ENTREP2: variants seen among roughly 807,000 people sequenced by gnomAD.
ENTREP2 encodes the protein endosomal transmembrane epsin interactor 2.
At chr15:29,663,462 C>T in the ENTREP2 span, among the ~76,000 whole-genome samples, 11 of 152,200 alleles carry the variant, frequency 7.2e-5, no homozygotes, top group East Asian at 2.1e-3. Context: ...TGGAACCAAC[C>T]AAAATGCCCA....
chr15:29,478,017 ATATT>A, the ENTREP2 span, among the ~76,000 whole-genome samples: 11 of 56,950 alleles, frequency 1.9e-4, no homozygotes, highest in Middle Eastern at 0.012. Flanking sequence ...ATATATATAT[ATATT>A]TTTTTTTTTT....
chr15:29,511,218 A>C, the ENTREP2 span, among the ~76,000 whole-genome samples: 1 of 152,188 alleles, frequency 6.6e-6, no homozygotes, highest in African/African-American at 2.4e-5. Context: ...AAGAAAAAGA[A>C]GACATGCTCC....
At chr15:29,218,960 T>A in the ENTREP2 span, among the ~76,000 whole-genome samples, 1 of 151,874 alleles carries the variant, frequency 6.6e-6, no homozygotes, top group African/African-American at 2.4e-5. Flanking sequence ...ACAAAGATAG[T>A]CGGGACTTCA....
At chr15:29,371,103 C>A in the ENTREP2 span, among the ~76,000 whole-genome samples, 10 of 151,978 alleles carry the variant, frequency 6.6e-5, no homozygotes, top group African/African-American at 9.7e-5. Context: ...TACCTCTGAA[C>A]CCTCACAATG....
chr15:29,387,458 C>A, the ENTREP2 span, among the ~76,000 whole-genome samples: 5 of 151,926 alleles, frequency 3.3e-5, no homozygotes, highest in African/African-American at 4.8e-5. Flanking sequence ...CACTGCTCAA[C>A]GAAATAAAAG....
the ENTREP2 span, among the ~76,000 whole-genome samples, chr15:29,161,926 C>A: frequency 6.6e-6 from 1 of 152,136 alleles, no homozygotes; most frequent in African/African-American, 2.4e-5. Flanking sequence ...AGAGGACCGA[C>A]AGACCTCTGA....
chr15:29,350,310 CAT>C, the ENTREP2 span, among the ~76,000 whole-genome samples: 1 of 151,010 alleles, frequency 6.6e-6, no homozygotes, highest in Non-Finnish European at 1.5e-5. Flanking sequence ...TGCTGATTAT[CAT>C]GTCTGAAATC....
At chr15:29,379,820 T>C in the ENTREP2 span, among the ~76,000 whole-genome samples, 1 of 152,078 alleles carries the variant, frequency 6.6e-6, no homozygotes, top group East Asian at 1.9e-4. Context: ...GGACGTCATT[T>C]CTCTCTTGTC....
the ENTREP2 span, among the ~76,000 whole-genome samples, chr15:29,124,183 A>G: frequency 6.6e-6 from 1 of 152,164 alleles, no homozygotes; most frequent in South Asian, 2.1e-4. Context: ...AGCTCCCCAC[A>G]GAGCTGACAG....
chr15:29,565,961 A>C, the ENTREP2 span, among the ~76,000 whole-genome samples: 1 of 114,458 alleles, frequency 8.7e-6, no homozygotes, highest in African/African-American at 3.3e-5. Context: ...GCTCTGTCTC[A>C]AAAAAAAAAA....
At chr15:29,416,041 G>A in the ENTREP2 span, among the ~76,000 whole-genome samples, 1 of 152,198 alleles carries the variant, frequency 6.6e-6, no homozygotes, top group Admixed American at 6.5e-5. Context: ...TGGGTAGGAA[G>A]AATCAGTATC....
the ENTREP2 span, among the ~76,000 whole-genome samples, chr15:29,274,865 G>A: frequency 6.6e-6 from 1 of 152,170 alleles, no homozygotes; most frequent in Non-Finnish European, 1.5e-5. Context: ...AAACCTAAAT[G>A]CTTTTATATT....
At chr15:29,208,564 A>G in the ENTREP2 span, among the ~76,000 whole-genome samples, 1 of 152,226 alleles carries the variant, frequency 6.6e-6, no homozygotes. Flanking sequence ...CAGATTCCTC[A>G]GTAAACAGAA....
At chr15:29,663,803 G>A in the ENTREP2 span, among the ~76,000 whole-genome samples, 1 of 152,098 alleles carries the variant, frequency 6.6e-6, no homozygotes, top group African/African-American at 2.4e-5. Context: ...CATGGCACAT[G>A]TATACATATG....
the ENTREP2 span, among the ~76,000 whole-genome samples, chr15:29,601,113 G>A: frequency 1.3e-5 from 2 of 148,786 alleles, no homozygotes; most frequent in African/African-American, 5.2e-5. Context: ...TAGCCAGGAT[G>A]GTCTCGATCT....
the ENTREP2 span, among the ~76,000 whole-genome samples, chr15:29,476,480 C>T: frequency 6.6e-6 from 1 of 152,174 alleles, no homozygotes. Context: ...CTGCAGACAC[C>T]AAGGAGGTCA....
At chr15:29,174,660 A>G in the ENTREP2 span, among the ~76,000 whole-genome samples, 1 of 150,604 alleles carries the variant, frequency 6.6e-6, no homozygotes, top group Non-Finnish European at 1.5e-5. Flanking sequence ...ACTGCGCTCT[A>G]GCCTGGGCGA....
chr15:29,291,532 G>A, the ENTREP2 span, among the ~76,000 whole-genome samples: 6 of 152,148 alleles, frequency 3.9e-5, no homozygotes, highest in Non-Finnish European at 7.3e-5. Context: ...CTGAGCCCTT[G>A]CAGGGCCCTG....
the ENTREP2 span, among the ~76,000 whole-genome samples, chr15:29,591,558 G>A: frequency 6.6e-6 from 1 of 152,178 alleles, no homozygotes; most frequent in African/African-American, 2.4e-5. Context: ...GTTAAAATGA[G>A]GTCACTACAG....
Sources: gnomAD v4.1 joint callset for allele counts (sites outside exome capture counted in the v4.1 genomes callset) on GRCh38, gnomAD v4.1.1 for gene constraint, MANE v1.5 for transcripts, NCBI Gene and HGNC (gene_info 2026-07-23, HGNC 2026-07-21) for gene names.